MRPL42: variants seen among roughly 807,000 people sequenced by gnomAD.
MRPL42 encodes mitochondrial ribosomal protein L42.
A neutral mutation model predicts 17.9 loss-of-function variants in MRPL42; 17 were observed. The ratio of observed to expected loss-of-function variants is 0.95; its 90% CI spans 0.65 to 1.42. The LOEUF is 1.42. MRPL42 is among the 40% of genes most tolerant of loss of function. The probability of loss-of-function intolerance (pLI) is 0.00; values close to 1 mark genes in which losing one functional copy is unlikely to be tolerated. For synonymous variants in MRPL42, 59 were observed against 54.4 expected (o/e 1.08, Z -0.37); for missense variants, 177 against 175.2 (o/e 1.01, Z -0.06).
At chr12:93,472,028 A>G (rs546014934) in intron 2 of MRPL42, among the ~76,000 whole-genome samples, 1 of 152,166 alleles carries the variant, frequency 6.6e-6, no homozygotes, top group African/African-American at 2.4e-5. Context: ...TTATTTATAT[A>G]TCTTTTTCCC....
intron 5 of MRPL42, among the ~76,000 whole-genome samples, chr12:93,497,778 A>G (rs1034161624): frequency 1.3e-5 from 2 of 151,972 alleles, no homozygotes; most frequent in Non-Finnish European, 2.9e-5. Context: ...AGGAAAAGAA[A>G]AAGTCAAATA....
chr12:93,507,427 C>A lies in MRPL42; in HGVS notation c.*6206C>A, dbSNP rs1953682562. 6.6e-6 allele frequency: 1 copy of A among 152,098 alleles called. No individual in the cohort carries two copies. Among genetic ancestry groups the A allele is most frequent in the South Asian group, 2.1e-4 (1 of 4,834 alleles). The allele number at this position is 152,098 out of a possible 1,614,324, so 9.4% of individuals were successfully genotyped here. A position where few individuals can be genotyped will look rare whatever the true frequency, so the allele number is the denominator to read the frequency against. Reference sequence around the variant, plus strand: ...AGTATACCTTAGAAACTTTCAGTTTCTTTTAAGGATTTAATAACTTGCTTA... The same window carrying A: ...AGTATACCTTAGAAACTTTCAGTTTATTTTAAGGATTTAATAACTTGCTTA... On this transcript the variant is annotated 3_prime_UTR_variant, in exon 6 of 6. Transcript: ENST00000549982.
In MRPL42 at chr12:93,511,232, A is replaced by ATC. The variant is rs1953722823; in HGVS notation, c.*10011_*10012insTC. 6.6e-6 allele frequency: 1 copy of ATC among 152,232 alleles called. No individual in the cohort carries two copies. Among genetic ancestry groups the ATC allele is most frequent in the Non-Finnish European group, 1.5e-5 (1 of 68,032 alleles). 9.4% of individuals were successfully genotyped at this position (152,232 alleles called of 1,614,324 possible). ...GGCAAATGAAGCAATAAAATAATCA[A>ATC]AACTAAATCAACATTTAAATACAGA... On this transcript the variant is annotated 3_prime_UTR_variant, in exon 6 of 6. Transcript: ENST00000549982.
At chr12:93,492,343 A>AT (rs541960910) in intron 5 of MRPL42, among the ~76,000 whole-genome samples, 78 of 152,084 alleles carry the variant, frequency 5.1e-4, no homozygotes, top group South Asian at 2.1e-3. Flanking sequence ...TCACACTGTG[A>AT]TTTTTTTAAA....
At chr12:93,474,333 C>G (rs1029918747) in intron 2 of MRPL42, among the ~76,000 whole-genome samples, 1 of 151,492 alleles carries the variant, frequency 6.6e-6, no homozygotes, top group Admixed American at 6.6e-5. Context: ...CACTATATGA[C>G]CCAACTATGT....
intron 2 of MRPL42, among the ~76,000 whole-genome samples, chr12:93,476,298 T>C (rs1169039045): frequency 6.6e-6 from 1 of 152,120 alleles, no homozygotes; most frequent in Non-Finnish European, 1.5e-5. Context: ...GCAATTCTCC[T>C]GCCTCAGTCT....
At chr12:93,478,910 TTTTATTTATTTATTTA>T (rs142505304) in intron 3 of MRPL42, among the ~76,000 whole-genome samples, 2 of 91,370 alleles carry the variant, frequency 2.2e-5, no homozygotes, top group Non-Finnish European at 6.5e-5. Flanking sequence ...TAATTTTAGC[TTTTATTTATTTATTTA>T]TTTATTTATT....
intron 2 of MRPL42, among the ~76,000 whole-genome samples, chr12:93,474,656 C>CG (rs1408750398): frequency 2.6e-5 from 4 of 151,990 alleles, no homozygotes; most frequent in Non-Finnish European, 5.9e-5. Context: ...AGGCTGGTCT[C>CG]AAACTCCTGG....
At chr12:93,489,186 G>A (rs1953365422) in intron 5 of MRPL42, among the ~76,000 whole-genome samples, 1 of 152,122 alleles carries the variant, frequency 6.6e-6, no homozygotes, top group African/African-American at 2.4e-5. Context: ...TAAATAAACG[G>A]TTAAATCAAG....
At chr12:93,485,687 T>C (rs1216796084) in intron 4 of MRPL42, among the ~76,000 whole-genome samples, 1 of 152,222 alleles carries the variant, frequency 6.6e-6, no homozygotes, top group Non-Finnish European at 1.5e-5. Context: ...ATTGAATATG[T>C]TACTTTCATT....
chr12:93,487,397 A>T, intron 4 of MRPL42, 100 bp from the exon 5 acceptor site: 1 of 1,095,330 alleles, frequency 9.1e-7, no homozygotes, highest in Non-Finnish European at 1.3e-6. Flanking sequence ...AAAGTACTAT[A>T]GTGAATTACT....
rs1592761294 is a variant in MRPL42, at chr12:93,467,554, G to A, written c.-95G>A. 1 of 152,628 alleles carries A rather than the reference G, an allele frequency of 6.6e-6. No homozygotes were observed. Among genetic ancestry groups the A allele is most frequent in the Non-Finnish European group, 1.5e-5 (1 of 68,086 alleles). 9.5% of individuals were successfully genotyped at this position (152,628 alleles called of 1,614,324 possible). A position where few individuals can be genotyped will look rare whatever the true frequency, so the allele number is the denominator to read the frequency against. On this transcript the variant is annotated splice_region_variant and 5_prime_UTR_variant, in exon 1 of 6. Transcript: ENST00000549982. ...CGGGTTCGTGGTGAGAAGCCGTCAAGGTAACCGCTTCCCTCTACTCCTCCT... is the reference window on the plus strand; with the variant it reads ...CGGGTTCGTGGTGAGAAGCCGTCAAAGTAACCGCTTCCCTCTACTCCTCCT...
intron 4 of MRPL42, 107 bp downstream of exon 4, chr12:93,479,579 A>G (rs945605996): frequency 4.0e-5 from 23 of 568,440 alleles, no homozygotes; most frequent in Non-Finnish European, 6.1e-5. Context: ...TTTGTTTTAG[A>G]TTTTCTTTTG....
At position 93,512,070 on chromosome 12, in the gene MRPL42, T is replaced by C. The variant is rs1397375962; in HGVS notation, c.*10849T>C. The C allele has an allele frequency of 1.3e-5, 2 of 152,244 alleles. No homozygotes were observed. Among genetic ancestry groups the C allele is most frequent in the East Asian group, 3.8e-4 (2 of 5,198 alleles). The allele number at this position is 152,244 out of a possible 1,614,324, so 9.4% of individuals were successfully genotyped here. ...ACAACTGTGATTACATTTAGAGATA[T>C]GATGATTATCTAGAGGGAAAGTTCT... On this transcript the variant is annotated 3_prime_UTR_variant, in exon 6 of 6. Coordinates refer to ENST00000549982, the MANE Select transcript of MRPL42 (RefSeq NM_014050.4).
At chr12:93,500,370 T>A (rs1431705285) in intron 5 of MRPL42, among the ~76,000 whole-genome samples, 1 of 152,212 alleles carries the variant, frequency 6.6e-6, no homozygotes, top group Non-Finnish European at 1.5e-5. Context: ...ACCAGTCGGG[T>A]CTCATACTGC....
chr12:93,496,061 GT>G (rs1215444160), intron 5 of MRPL42, among the ~76,000 whole-genome samples: 2 of 152,034 alleles, frequency 1.3e-5, no homozygotes, highest in East Asian at 3.9e-4. Flanking sequence ...TGGGTTTTTT[GT>G]TTTTGTTTTT....
intron 5 of MRPL42, among the ~76,000 whole-genome samples, chr12:93,495,872 T>C: frequency 6.6e-6 from 1 of 152,098 alleles, no homozygotes. Flanking sequence ...ACTGGGAAAT[T>C]TACCAGTGCA....
chr12:93,488,463 A>G lies in MRPL42; in HGVS notation c.383+803A>G, dbSNP rs755570972. ...CTTTTTTTCTTTATTTTAATGGGGG[A>G]ATTTAACCAGAGCTTTCAGTGAATT... On this transcript the variant is annotated intron_variant, in intron 5 of 5. Transcript: ENST00000549982. 3.1e-5 allele frequency: 12 copies of G among 386,200 alleles called. No individual in the cohort carries two copies. In the Admixed American group the frequency reaches 5.4e-4, roughly 17 times the overall value. The allele number at this position is 386,200 out of a possible 1,614,324, so 23.9% of individuals were successfully genotyped here. A position where few individuals can be genotyped will look rare whatever the true frequency, so the allele number is the denominator to read the frequency against.
In MRPL42 at chr12:93,501,520, A is replaced by G; in HGVS notation, c.*299A>G. The stretch of plus-strand genomic sequence containing the variant: ...AGAACATCAATAAATTACATCAGAA[A>G]TTCAACACTTTATTATAAAACGGGC... On this transcript the variant is annotated 3_prime_UTR_variant, in exon 6 of 6. Transcript: ENST00000549982. 4.9e-6 allele frequency: 1 copy of G among 203,262 alleles called. No individual in the cohort carries two copies. The highest frequency in any genetic ancestry group is 9.8e-6 in the Non-Finnish European group (1 of 102,042). The allele number at this position is 203,262 out of a possible 1,614,324, so 12.6% of individuals were successfully genotyped here. A position where few individuals can be genotyped will look rare whatever the true frequency, so the allele number is the denominator to read the frequency against.
Sources: allele counts gnomAD v4.1 joint callset (sites outside exome capture counted in the v4.1 genomes callset), GRCh38; gene constraint gnomAD v4.1.1; transcripts MANE v1.5; gene names NCBI Gene and HGNC (gene_info 2026-07-23, HGNC 2026-07-21).